The following LARP1 variants were observed in gnomAD, a reference collection of about 807,000 sequenced individuals.
The protein encoded by LARP1 is La ribonucleoprotein 1, translational regulator, also known as la-related protein 1.
Under a neutral mutation model 122.7 loss-of-function variants are expected in LARP1, and 36 were observed. That is an observed-to-expected ratio of 0.29 (90% CI 0.22 to 0.39). The LOEUF (loss-of-function observed/expected upper bound fraction) is 0.39, where lower values mean the gene tolerates loss of function less well. Among genes scored for constraint, LARP1 ranks in the 10% least tolerant of loss-of-function variants. The probability of loss-of-function intolerance (pLI) is 1.00; values close to 1 mark genes in which losing one functional copy is unlikely to be tolerated. For missense variants in LARP1, 1,040 were observed against 1,403.6 expected (o/e 0.74, Z 4.14); for synonymous variants, 539 against 528.7 (o/e 1.02, Z -0.27).
chr5:154,807,416 A>G (rs1430460209), intron 15 of LARP1, among the ~76,000 whole-genome samples: 1 of 152,188 alleles, frequency 6.6e-6, no homozygotes, highest in Non-Finnish European at 1.5e-5. Context: ...TCTGTTTTCC[A>G]AAGTGGAAAT....
chr5:154,727,489 A>G (rs767164766), intron 1 of LARP1, among the ~76,000 whole-genome samples: 1 of 152,080 alleles, frequency 6.6e-6, no homozygotes, highest in Admixed American at 6.6e-5. Flanking sequence ...GGTGTAGGGT[A>G]GTTGTGGGGG....
chr5:154,719,365 G>A (rs1015343713), intron 1 of LARP1, among the ~76,000 whole-genome samples: 1 of 152,168 alleles, frequency 6.6e-6, no homozygotes, highest in Non-Finnish European at 1.5e-5. Context: ...TAGGACAAGG[G>A]TTTTTAACCT....
Position 154,785,307 on chromosome 5 carries a change from C to G in LARP1, c.437-5018C>G, listed in dbSNP as rs552135526. ...GCAGTCTGGACTGTATGAATTGAACCAATTAATCACCCCAAGAGTTTTTCC... is the reference window on the plus strand; with the variant it reads ...GCAGTCTGGACTGTATGAATTGAACGAATTAATCACCCCAAGAGTTTTTCC... On this transcript the variant is annotated intron_variant, in intron 1 of 18. Coordinates refer to ENST00000518297, the MANE Select transcript of LARP1 (RefSeq NM_033551.3). Among the ~76,000 whole-genome samples, 33 of 152,322 alleles carry G rather than the reference C, an allele frequency of 2.2e-4. No homozygotes were observed. The South Asian group carries it at 2.5e-3, about 11-fold the overall frequency.
At chr5:154,747,863 CA>C (rs1416255895) in intron 1 of LARP1, among the ~76,000 whole-genome samples, 62 of 143,638 alleles carry the variant, frequency 4.3e-4, no homozygotes, top group Admixed American at 4.9e-4. Flanking sequence ...GACTCCATCT[CA>C]AAAAAAAAAA....
chr5:154,759,435 A>G (rs975791732), intron 1 of LARP1, among the ~76,000 whole-genome samples: 1 of 152,226 alleles, frequency 6.6e-6, no homozygotes. Context: ...CATGAAGGGC[A>G]TGGATGGATA....
chr5:154,726,090 T>C (rs191873549), intron 1 of LARP1, among the ~76,000 whole-genome samples: 88 of 152,326 alleles, frequency 5.8e-4, no homozygotes, highest in African/African-American at 1.8e-3. Flanking sequence ...TCCGCCCACC[T>C]TGGCCTTCCA....
chr5:154,797,014 G>A (rs1757916204), intron 8 of LARP1, among the ~76,000 whole-genome samples: 1 of 151,964 alleles, frequency 6.6e-6, no homozygotes, highest in Non-Finnish European at 1.5e-5. Flanking sequence ...TTGGTCAGTG[G>A]GACCCTATAC....
chr5:154,725,440 C>A (rs1055678736), intron 1 of LARP1, among the ~76,000 whole-genome samples: 3 of 145,456 alleles, frequency 2.1e-5, no homozygotes, highest in East Asian at 2.1e-4. Context: ...GTTCCAGCTA[C>A]TTGGGAGGCT....
chr5:154,790,199 G>C, intron 1 of LARP1, 126 bp from the exon 2 acceptor site: 1 of 704,638 alleles, frequency 1.4e-6, no homozygotes, highest in Non-Finnish European at 2.4e-6. Context: ...CCTCTCTACT[G>C]TGTCTTTCTC....
chr5:154,781,217 C>T (rs1037664802), intron 1 of LARP1, among the ~76,000 whole-genome samples: 1 of 152,160 alleles, frequency 6.6e-6, no homozygotes, highest in Non-Finnish European at 1.5e-5. Flanking sequence ...CTGTCTGAGA[C>T]GATTGGCTTC....
intron 8 of LARP1, among the ~76,000 whole-genome samples, chr5:154,796,022 A>ATATATT (rs1308929971): frequency 1.0e-5 from 1 of 95,396 alleles, no homozygotes; most frequent in Non-Finnish European, 2.0e-5. Context: ...TTTATATATT[A>ATATATT]TATATATTTT....
Position 154,747,863 on chromosome 5 carries a change from C to CA in LARP1, c.205+34744dup, listed in dbSNP as rs1416255895. Among the ~76,000 whole-genome samples, 871 of 143,832 alleles carry CA rather than the reference C, an allele frequency of 6.1e-3. 8 individuals carry two copies. Among genetic ancestry groups the CA allele is most frequent in the African/African-American group, 0.02 (798 of 39,500 alleles). 94.4% of individuals were successfully genotyped at this position (143,832 alleles called of 152,430 possible). ...TGGGCGACAGAGTGAGACTCCATCT[C>CA]AAAAAAAAAAAGACACAGTGTCTCC... On this transcript the variant is annotated intron_variant, in intron 1 of 18. Coordinates refer to the LARP1 transcript ENST00000336314.
At chr5:154,698,102 C>T (rs1251905033) in intron 1 of LARP1, among the ~76,000 whole-genome samples, 1 of 151,978 alleles carries the variant, frequency 6.6e-6, no homozygotes, top group African/African-American at 2.4e-5. Flanking sequence ...AAGTCGTACA[C>T]TTTGTATTTT....
intron 1 of LARP1, among the ~76,000 whole-genome samples, chr5:154,748,262 C>T (rs1236167104): frequency 6.6e-6 from 1 of 152,188 alleles, no homozygotes; most frequent in Non-Finnish European, 1.5e-5. Flanking sequence ...GTTGCCACAA[C>T]ATTGCTGCAA....
intron 1 of LARP1, among the ~76,000 whole-genome samples, chr5:154,706,305 A>T (rs1754944306): frequency 1.1e-5 from 1 of 94,334 alleles, no homozygotes; most frequent in African/African-American, 4.2e-5. Flanking sequence ...AAATAATAAT[A>T]ATAATAATAA....
chr5:154,737,825 TG>T (rs1163590643), intron 1 of LARP1, among the ~76,000 whole-genome samples: 2 of 152,078 alleles, frequency 1.3e-5, no homozygotes, highest in Non-Finnish European at 2.9e-5. Context: ...TGCCCCTCCT[TG>T]TGAATGAGCT....
At chr5:154,706,326 AATAATAAT>A (rs1754947026) in intron 1 of LARP1, among the ~76,000 whole-genome samples, 3 of 150,060 alleles carry the variant, frequency 2.0e-5, no homozygotes, top group African/African-American at 7.3e-5. Context: ...TAATAATAAT[AATAATAAT>A]AAAATGTGGT....
chr5:154,754,456 T>C (rs904484792), upstream of LARP1, among the ~76,000 whole-genome samples: 4 of 152,068 alleles, frequency 2.6e-5, no homozygotes, highest in African/African-American at 9.7e-5. Flanking sequence ...AGGGCCAGGA[T>C]AAAATCTCAG....
At chr5:154,717,080 G>T (rs1483945093) in intron 1 of LARP1, among the ~76,000 whole-genome samples, 1 of 149,228 alleles carries the variant, frequency 6.7e-6, no homozygotes, top group East Asian at 2.0e-4. Flanking sequence ...AAAAGAAAAA[G>T]AAAAAAAAGG....
Sources: allele counts gnomAD v4.1 joint callset (sites outside exome capture counted in the v4.1 genomes callset), GRCh38; gene constraint gnomAD v4.1.1; transcripts MANE v1.5; gene names NCBI Gene and HGNC (gene_info 2026-07-23, HGNC 2026-07-21).